CADM2: variants seen among roughly 807,000 people sequenced by gnomAD.
CADM2 encodes immunoglobulin superfamily member 4D.
Under a neutral mutation model 49.8 loss-of-function variants are expected in CADM2, and 12 were observed. The ratio of observed to expected loss-of-function variants is 0.24; its 90% confidence interval spans 0.15 to 0.39. CADM2 has a LOEUF of 0.39. Among genes scored for constraint, CADM2 ranks in the 10% least tolerant of loss-of-function variants. CADM2 has a pLI of 1.00. For missense variants in CADM2, 378 were observed against 492.3 expected (o/e 0.77, Z 2.20); for synonymous variants, 214 against 175.4 (o/e 1.22, Z -1.74).
At chr3:86,023,471 G>A (rs1733470683) in intron 8 of CADM2, among the ~76,000 whole-genome samples, 1 of 152,068 alleles carries the variant, frequency 6.6e-6, no homozygotes. Context: ...CAATTTTCCT[G>A]TCTTGGCCTC....
rs533237866 is a variant in CADM2 at position 85,001,756 on chromosome 3, C to T, written c.61+42088C>T. On this transcript the variant is annotated intron_variant, in intron 1 of 9. Coordinates refer to ENST00000383699, the MANE Select transcript of CADM2 (RefSeq NM_001167675.2). ...TATACAGGAAATGAATATTAAGTACCTTAAAACATTAATATCTCTGAGACC... is the reference window on the plus strand; with the variant it reads ...TATACAGGAAATGAATATTAAGTACTTTAAAACATTAATATCTCTGAGACC... Among the ~76,000 whole-genome samples the T allele has an allele frequency of 9.2e-5, 14 of 152,056 alleles. No individual in the cohort carries two copies. The South Asian group carries it at 1.5e-3, about 16-fold the overall frequency.
intron 1 of CADM2, among the ~76,000 whole-genome samples, chr3:85,105,503 C>A (rs1322459604): frequency 1.4e-4 from 21 of 152,210 alleles, no homozygotes; most frequent in East Asian, 1.2e-3. Context: ...GTGGGACTGT[C>A]AACTAGTTCA....
intron 1 of CADM2, among the ~76,000 whole-genome samples, chr3:85,638,297 A>G (rs1365100007): frequency 6.6e-6 from 1 of 152,202 alleles, no homozygotes; most frequent in African/African-American, 2.4e-5. Context: ...GAATAAATAA[A>G]GTTGTTTAAT....
At chr3:85,064,812 C>A (rs1477290350) in intron 1 of CADM2, among the ~76,000 whole-genome samples, 4 of 152,072 alleles carry the variant, frequency 2.6e-5, no homozygotes, top group Non-Finnish European at 5.9e-5. Context: ...GCTTTCCTAG[C>A]AAGGGGGACG....
At chr3:85,461,303 A>C (rs1443157630) in intron 1 of CADM2, among the ~76,000 whole-genome samples, 1 of 152,112 alleles carries the variant, frequency 6.6e-6, no homozygotes, top group Non-Finnish European at 1.5e-5. Flanking sequence ...TTCAGACACA[A>C]GTCAGCAACT....
chr3:85,878,723 A>T (rs925033714), intron 3 of CADM2, among the ~76,000 whole-genome samples: 17 of 152,098 alleles, frequency 1.1e-4, no homozygotes, highest in Non-Finnish European at 2.5e-4. Context: ...AATGGTTTAA[A>T]TATGAAAGTC....
chr3:85,398,837 AG>A (rs1435495044), intron 1 of CADM2, among the ~76,000 whole-genome samples: 1 of 152,038 alleles, frequency 6.6e-6, no homozygotes, highest in African/African-American at 2.4e-5. Flanking sequence ...TCCTTTGCCC[AG>A]TTGTTGAGGG....
At chr3:85,841,329 C>T (rs1333648565) in intron 3 of CADM2, among the ~76,000 whole-genome samples, 1 of 151,696 alleles carries the variant, frequency 6.6e-6, no homozygotes, top group Non-Finnish European at 1.5e-5. Context: ...AGAGAGGAGT[C>T]ACGAGCCCAG....
chr3:85,978,974 T>C (rs142491647), intron 8 of CADM2, among the ~76,000 whole-genome samples: 2 of 151,772 alleles, frequency 1.3e-5, no homozygotes, highest in African/African-American at 4.8e-5. Flanking sequence ...GTCTTTGCTT[T>C]GTGTTGGAGC....
At chr3:85,935,382 G>A (rs1359834407) in intron 6 of CADM2, among the ~76,000 whole-genome samples, 1 of 152,010 alleles carries the variant, frequency 6.6e-6, no homozygotes, top group Non-Finnish European at 1.5e-5. Context: ...CAATGAAAGT[G>A]TTGTTATTCA....
intron 8 of CADM2, among the ~76,000 whole-genome samples, chr3:86,039,124 A>G (rs756651401): frequency 5.3e-5 from 8 of 152,156 alleles, no homozygotes; most frequent in Non-Finnish European, 1.0e-4. Context: ...GCTCCAGTCT[A>G]CAGCTCCCAG....
intron 1 of CADM2, among the ~76,000 whole-genome samples, chr3:85,406,064 A>G (rs1038193463): frequency 6.6e-6 from 1 of 152,076 alleles, no homozygotes; most frequent in East Asian, 1.9e-4. Context: ...CTATAAATGG[A>G]TTATAAAAAT....
At chr3:85,916,259 G>A (rs1012661962) in intron 6 of CADM2, among the ~76,000 whole-genome samples, 1 of 152,032 alleles carries the variant, frequency 6.6e-6, no homozygotes. Flanking sequence ...CCATGTTGGT[G>A]TGCTGCACCC....
At position 85,539,397 on chromosome 3, in the gene CADM2, G is replaced by A. The variant is rs62252517; in HGVS notation, c.62-187125G>A. Among the ~76,000 whole-genome samples, 94 of 152,054 alleles carry A rather than the reference G, an allele frequency of 6.2e-4. 1 individual carries two copies. The highest frequency in any genetic ancestry group is 2.1e-3 in the African/African-American group (87 of 41,526). ...TACTTCCAGAACATGCGAAGCATTT[G>A]AAGTTTTCAGAGTATCTCAGTTCCT... On this transcript the variant is annotated intron_variant, in intron 1 of 9. Transcript: ENST00000383699.
At chr3:85,275,944 A>T (rs953013919) in intron 1 of CADM2, among the ~76,000 whole-genome samples, 10 of 151,258 alleles carry the variant, frequency 6.6e-5, no homozygotes, top group Non-Finnish European at 1.5e-4. Flanking sequence ...GAGAACTATT[A>T]TTGGTATTTC....
chr3:85,241,790 A>C (rs917133633), intron 1 of CADM2, among the ~76,000 whole-genome samples: 7 of 151,554 alleles, frequency 4.6e-5, no homozygotes, highest in Non-Finnish European at 8.9e-5. Flanking sequence ...CATCTCTTTC[A>C]GGTAGGTCAT....
intron 1 of CADM2, among the ~76,000 whole-genome samples, chr3:85,436,497 A>G (rs372781102): frequency 6.6e-6 from 1 of 152,094 alleles, no homozygotes; most frequent in East Asian, 1.9e-4. Flanking sequence ...GCCGGTTTTC[A>G]AAGGGAACAC....
chr3:85,972,096 G>A (rs998885587), intron 8 of CADM2, among the ~76,000 whole-genome samples: 6 of 151,504 alleles, frequency 4.0e-5, no homozygotes, highest in African/African-American at 1.5e-4. Flanking sequence ...TCAACCTGGT[G>A]GTTATCATTT....
At chr3:85,545,278 A>C (rs6807666) in intron 1 of CADM2, among the ~76,000 whole-genome samples, 90,392 of 152,062 alleles carry the variant, frequency 0.59, 28,359 homozygotes, top group East Asian at 0.93. Flanking sequence ...GTGTAAAAAA[A>C]CAATTGTAAT....
Sources: allele counts gnomAD v4.1 joint callset (sites outside exome capture counted in the v4.1 genomes callset), GRCh38; gene constraint gnomAD v4.1.1; transcripts MANE v1.5; gene names NCBI Gene and HGNC (gene_info 2026-07-23, HGNC 2026-07-21).